Variants in NTM observed in about 807,000 individuals in gnomAD.
The protein encoded by NTM is IgLON family member 2.
NTM carries 13 observed loss-of-function variants against 42.1 expected under a neutral mutation model. The observed-to-expected ratio is 0.31, with a 90% CI of 0.20 to 0.49. The LOEUF (loss-of-function observed/expected upper bound fraction) is 0.49. Ranked by LOEUF, NTM falls within the 20% of genes least tolerant of loss-of-function variation. The pLI, the probability that NTM is intolerant of heterozygous loss-of-function variation, is 0.99. For synonymous variants in NTM, 187 were observed against 179.2 expected, an observed-to-expected ratio of 1.04 and a Z score of -0.35; for missense variants, 373 against 452.8, an observed-to-expected ratio of 0.82 and a Z score of 1.60.
Position 131,662,197 on chromosome 11 carries a change from T to C in NTM, c.83-249367T>C, listed in dbSNP as rs1446643580. Reference sequence around the variant, plus strand: ...ACAGATGTTCTTTAAATCTTCTTTCTCTTGCTTTTAACAAAGAGGGAGGAT... The same window carrying C: ...ACAGATGTTCTTTAAATCTTCTTTCCCTTGCTTTTAACAAAGAGGGAGGAT... On this transcript the variant is annotated intron_variant, in intron 1 of 8. Transcript: ENST00000683400. 1.3e-5 allele frequency: 2 copies of C among 152,262 alleles called. 1 individual carries two copies. Among genetic ancestry groups the C allele is most frequent in the Admixed American group, 1.3e-4 (2 of 15,288 alleles). 9.4% of individuals were successfully genotyped at this position (152,262 alleles called of 1,614,324 possible).
chr11:131,931,041 C>G (rs1399119919), intron 2 of NTM, among the ~76,000 whole-genome samples: 1 of 152,064 alleles, frequency 6.6e-6, no homozygotes, highest in Non-Finnish European at 1.5e-5. Flanking sequence ...GTGTTCATAA[C>G]GTTTCTGCGT....
At chr11:131,475,756 G>A (rs936190843) in intron 1 of NTM, among the ~76,000 whole-genome samples, 11 of 152,090 alleles carry the variant, frequency 7.2e-5, no homozygotes, top group Non-Finnish European at 1.3e-4. Context: ...TTTATGAGAT[G>A]AGCCAAAGTA....
Position 132,146,170 on chromosome 11 carries a change from T to G in NTM, c.168-112T>G. ...CCTGACAAATCAAAGGAAATGTATG[T>G]GTTGGGGGAAGGGAGAAAGACAAGA... is the stretch of plus-strand genomic sequence containing the variant. On this transcript the variant is annotated intron_variant, in intron 2 of 8. Transcript: ENST00000683400. The surrounding 1 kb of genome is among the most constrained non-coding windows in gnomAD (Gnocchi z 4.5). 6.9e-7 allele frequency: 1 copy of G among 1,457,554 alleles called. No individual in the cohort carries two copies. Among genetic ancestry groups the G allele is most frequent in the Non-Finnish European group, 9.2e-7 (1 of 1,084,828 alleles). The allele number at this position is 1,457,554 out of a possible 1,614,324, so 90.3% of individuals were successfully genotyped here. A position where few individuals can be genotyped will look rare whatever the true frequency, so the allele number is the denominator to read the frequency against.
chr11:132,257,800 C>A (rs900522703), intron 4 of NTM, among the ~76,000 whole-genome samples: 1 of 152,202 alleles, frequency 6.6e-6, no homozygotes, highest in Non-Finnish European at 1.5e-5. Context: ...CATCTGATTT[C>A]GAAGCCCATT....
chr11:132,288,817 C>G (rs1401796091), intron 4 of NTM, among the ~76,000 whole-genome samples: 1 of 152,124 alleles, frequency 6.6e-6, no homozygotes, highest in Non-Finnish European at 1.5e-5. Context: ...GACGGGGTTT[C>G]ACCATGTTGG....
At chr11:132,270,365 G>A (rs1350186009) in intron 4 of NTM, among the ~76,000 whole-genome samples, 1 of 152,006 alleles carries the variant, frequency 6.6e-6, no homozygotes, top group African/African-American at 2.4e-5. Flanking sequence ...CGGAGTAGCT[G>A]GGATTACAGG....
chr11:132,315,596 T>C (rs1420035076), intron 7 of NTM, among the ~76,000 whole-genome samples: 1 of 152,216 alleles, frequency 6.6e-6, no homozygotes, highest in African/African-American at 2.4e-5. Context: ...GGGAGGCATT[T>C]GACAGATAAT....
chr11:132,245,451 G>A (rs971891149), intron 4 of NTM, among the ~76,000 whole-genome samples: 1 of 152,118 alleles, frequency 6.6e-6, no homozygotes, highest in African/African-American at 2.4e-5. Flanking sequence ...AGGGGAGCGT[G>A]CACCGGGGAG....
At chr11:131,841,234 A>C (rs1350184193) in intron 1 of NTM, among the ~76,000 whole-genome samples, 10 of 152,196 alleles carry the variant, frequency 6.6e-5, no homozygotes, top group Admixed American at 6.5e-4. Context: ...ATTGAGTTAT[A>C]CTTATTGTTT....
chr11:131,457,483 C>T (rs1951000179), intron 1 of NTM, among the ~76,000 whole-genome samples: 1 of 152,112 alleles, frequency 6.6e-6, no homozygotes, highest in Non-Finnish European at 1.5e-5. Context: ...TTTGTATCTT[C>T]CTCTGAGGAA....
At chr11:131,396,465 T>C (rs1432205889) in intron 1 of NTM, among the ~76,000 whole-genome samples, 5 of 152,150 alleles carry the variant, frequency 3.3e-5, no homozygotes, top group Admixed American at 2.6e-4. Flanking sequence ...TTTTAGATCA[T>C]ATTTCACCAG....
chr11:132,225,629 G>C (rs1176472630), intron 4 of NTM, among the ~76,000 whole-genome samples: 2 of 152,160 alleles, frequency 1.3e-5, no homozygotes, highest in Non-Finnish European at 2.9e-5. Flanking sequence ...TGTGGGACTT[G>C]TTCTAATAAA....
intron 7 of NTM, among the ~76,000 whole-genome samples, chr11:132,326,049 G>T (rs533486798): frequency 6.6e-6 from 1 of 152,116 alleles, no homozygotes; most frequent in African/African-American, 2.4e-5. Context: ...GATAGCATTA[G>T]GATATATACC....
intron 1 of NTM, among the ~76,000 whole-genome samples, chr11:131,711,209 G>T (rs978462424): frequency 2.0e-5 from 3 of 152,002 alleles, no homozygotes; most frequent in South Asian, 4.2e-4. Context: ...CAAAATCGGA[G>T]AAAATTTTTG....
At chr11:131,504,585 A>T (rs926080992) in intron 1 of NTM, among the ~76,000 whole-genome samples, 3 of 152,120 alleles carry the variant, frequency 2.0e-5, no homozygotes, top group African/African-American at 7.2e-5. Context: ...TCACCCACAG[A>T]TGGTGTTACC....
intron 1 of NTM, among the ~76,000 whole-genome samples, chr11:131,424,600 C>CTTTTTTTTTTTTTTTCTTTTTTTTTTT: frequency 1.8e-5 from 1 of 56,054 alleles, no homozygotes; most frequent in Non-Finnish European, 3.2e-5. Flanking sequence ...CTTTTCTTTT[C>CTTTTTTTTTTTTTTTCTTTTTTTTTTT]TTTTTTTTTT....
chr11:131,387,266 A>T (rs1943433912), intron 1 of NTM, among the ~76,000 whole-genome samples: 1 of 150,902 alleles, frequency 6.6e-6, no homozygotes, highest in Non-Finnish European at 1.5e-5. Context: ...GGACCTCCCT[A>T]TCAAAGTCAT....
intron 1 of NTM, among the ~76,000 whole-genome samples, chr11:131,443,766 C>G (rs903618218): frequency 8.5e-5 from 13 of 152,188 alleles, no homozygotes; most frequent in Admixed American, 6.5e-4. Flanking sequence ...ATCTGTCCTT[C>G]TTGAATCACT....
At chr11:132,138,172 G>A (rs2068318705) in intron 2 of NTM, among the ~76,000 whole-genome samples, 1 of 152,054 alleles carries the variant, frequency 6.6e-6, no homozygotes, top group African/African-American at 2.4e-5. Context: ...CATGTGTGAG[G>A]GTTCTTGGAG....
Sources: gnomAD v4.1 joint callset for allele counts (sites outside exome capture counted in the v4.1 genomes callset) on GRCh38, gnomAD v4.1.1 for gene constraint, Gnocchi (gnomAD v3.1) non-coding constraint, MANE v1.5 for transcripts, NCBI Gene and HGNC (gene_info 2026-07-23, HGNC 2026-07-21) for gene names.